Variants in NFIA observed in about 807,000 individuals in gnomAD.
The protein encoded by NFIA is nuclear factor I A.
Under a neutral mutation model 62.8 loss-of-function variants are expected in NFIA, and 8 were observed. That is an observed-to-expected ratio of 0.13 (90% CI 0.07 to 0.23). NFIA has a LOEUF of 0.23. Among genes scored for constraint, NFIA ranks in the 10% least tolerant of loss-of-function variants. The probability of loss-of-function intolerance (pLI) is 1.00; values close to 1 mark genes in which losing one functional copy is unlikely to be tolerated. For synonymous variants in NFIA, 235 were observed against 238.1 expected, an observed-to-expected ratio of 0.99 and a Z score of 0.12; for missense variants, 410 against 642.1, an observed-to-expected ratio of 0.64 and a Z score of 3.91.
intron 2 of NFIA, among the ~76,000 whole-genome samples, chr1:61,163,148 A>G (rs1485838009): frequency 6.6e-6 from 1 of 152,214 alleles, no homozygotes; most frequent in African/African-American, 2.4e-5. Flanking sequence ...ACTTATACTA[A>G]TGGGCATTAA....
intron 1 of NFIA, 34 bp downstream of exon 1, chr1:61,082,852 G>A (rs1646137912): frequency 5.2e-6 from 8 of 1,545,412 alleles, no homozygotes; most frequent in Non-Finnish European, 7.0e-6. Flanking sequence ...GGGCTTGGGG[G>A]CCGGGGCGCC....
At chr1:61,322,552 G>A (rs956957505) in intron 3 of NFIA, among the ~76,000 whole-genome samples, 4 of 152,052 alleles carry the variant, frequency 2.6e-5, no homozygotes, top group African/African-American at 9.7e-5. Context: ...TTCCTTTCAG[G>A]TACGTGGGGG....
chr1:61,385,676 A>G (rs1664643580), intron 7 of NFIA, among the ~76,000 whole-genome samples: 2 of 152,176 alleles, frequency 1.3e-5, no homozygotes, highest in African/African-American at 4.8e-5. Flanking sequence ...ACAGGTTGAG[A>G]GCTTGTTCAT....
intron 2 of NFIA, among the ~76,000 whole-genome samples, chr1:61,230,866 C>A (rs2100631311): frequency 6.6e-6 from 1 of 152,312 alleles, no homozygotes; most frequent in South Asian, 2.1e-4. Flanking sequence ...GGTTTCTCTA[C>A]AGGACACTCT....
intron 2 of NFIA, among the ~76,000 whole-genome samples, chr1:61,231,505 T>C (rs1273764749): frequency 6.6e-6 from 1 of 152,114 alleles, no homozygotes; most frequent in Non-Finnish European, 1.5e-5. Flanking sequence ...ACACAATTAT[T>C]ATATATATGT....
intron 2 of NFIA, among the ~76,000 whole-genome samples, chr1:61,220,600 G>C (rs1271041451): frequency 6.6e-6 from 1 of 152,120 alleles, no homozygotes; most frequent in Admixed American, 6.5e-5. Context: ...TTATAATAGT[G>C]CCAATTATAA....
At chr1:61,394,453 G>T (rs561905370) in intron 7 of NFIA, among the ~76,000 whole-genome samples, 42 of 152,188 alleles carry the variant, frequency 2.8e-4, no homozygotes, top group African/African-American at 7.5e-4. Context: ...GATTACAGGC[G>T]TGAGCCACCA....
chr1:61,255,923 G>T (rs139329881), intron 2 of NFIA, among the ~76,000 whole-genome samples: 2 of 152,084 alleles, frequency 1.3e-5, no homozygotes, highest in Non-Finnish European at 2.9e-5. Context: ...TAATGTGGCC[G>T]CTGCTAGGCT....
intron 3 of NFIA, among the ~76,000 whole-genome samples, chr1:61,278,694 G>A (rs539770786): frequency 2.0e-5 from 3 of 152,316 alleles, no homozygotes; most frequent in South Asian, 2.1e-4. Flanking sequence ...GGGAGGCTTA[G>A]GCAGGAGAAT....
At chr1:61,413,387 A>G (rs1666194641) in intron 9 of NFIA, among the ~76,000 whole-genome samples, 1 of 152,112 alleles carries the variant, frequency 6.6e-6, no homozygotes. Context: ...CATCTTCTCA[A>G]CACTCCTATG....
chr1:61,271,431 G>T (rs373788154), intron 2 of NFIA, among the ~76,000 whole-genome samples: 148 of 152,298 alleles, frequency 9.7e-4, no homozygotes, highest in African/African-American at 3.5e-3. Context: ...CAAACTTGTG[G>T]CCAGAAAGGC....
intron 7 of NFIA, among the ~76,000 whole-genome samples, chr1:61,387,422 C>T (rs554326696): frequency 5.3e-5 from 8 of 151,354 alleles, no homozygotes; most frequent in African/African-American, 1.2e-4. Context: ...CTATTGCCTT[C>T]GCCCAGCAAC....
chr1:61,422,024 G>A (rs1322073973), intron 9 of NFIA, among the ~76,000 whole-genome samples: 1 of 152,168 alleles, frequency 6.6e-6, no homozygotes, highest in African/African-American at 2.4e-5. Context: ...CACTTTGGGA[G>A]GCCAAAGTGG....
intron 3 of NFIA, among the ~76,000 whole-genome samples, chr1:61,286,262 C>T (rs969548339): frequency 6.9e-6 from 1 of 145,258 alleles, no homozygotes; most frequent in Non-Finnish European, 1.5e-5. Flanking sequence ...CCTGTCTCTA[C>T]TTAAAAAAAA....
At chr1:61,237,040 T>C (rs1257803725) in intron 2 of NFIA, among the ~76,000 whole-genome samples, 1 of 152,166 alleles carries the variant, frequency 6.6e-6, no homozygotes, top group Non-Finnish European at 1.5e-5. Context: ...GGGTGGGGAC[T>C]TTTTGTCTCT....
chr1:61,359,272 C>T lies in NFIA; in HGVS notation c.944C>T (p.Pro315Leu). 6.2e-7 allele frequency: 1 copy of T among 1,612,228 alleles called. No individual in the cohort carries two copies. Among genetic ancestry groups the T allele is most frequent in the Non-Finnish European group, 8.5e-7 (1 of 1,179,938 alleles). ...TCAAGTGGATGGCATGAAGTGGAGCCAGGTAAGCAGAGTGGCGGCACGGGC... is the reference window on the plus strand; with the variant it reads ...TCAAGTGGATGGCATGAAGTGGAGCTAGGTAAGCAGAGTGGCGGCACGGGC... ...SQSSGWHEVEPGMPSPTTLKK... is the reference protein window; with the variant it reads ...SQSSGWHEVELGMPSPTTLKK... The change falls in exon 6 of 11, where the codon CCA (proline) becomes CTA (leucine). Residue 315 changes from proline to leucine, a missense_variant and splice_region_variant. Physicochemically the swap from Pro to Leu is moderately conservative, Grantham distance 98 (BLOSUM62 -3). This residue lies in a region of NFIA where 298 missense variants were observed against 438.1 expected (regional missense o/e 0.68). Coordinates refer to ENST00000403491, the MANE Select transcript of NFIA (RefSeq NM_001134673.4).
chr1:61,217,540 T>A (rs1044113341), intron 2 of NFIA, among the ~76,000 whole-genome samples: 1 of 152,072 alleles, frequency 6.6e-6, no homozygotes, highest in Non-Finnish European at 1.5e-5. Flanking sequence ...GAAACATGAG[T>A]TTTGCTTAAT....
At chr1:61,215,782 CAG>C in intron 2 of NFIA, among the ~76,000 whole-genome samples, 1 of 152,298 alleles carries the variant, frequency 6.6e-6, no homozygotes, top group African/African-American at 2.4e-5. Context: ...ACATGATGAA[CAG>C]AAGTATTTCA....
At chr1:61,236,351 A>G (rs2100639431) in intron 2 of NFIA, among the ~76,000 whole-genome samples, 1 of 152,308 alleles carries the variant, frequency 6.6e-6, no homozygotes, top group Admixed American at 6.5e-5. Context: ...AACATATGGC[A>G]CAAGCTATCT....
Sources: allele counts gnomAD v4.1 joint callset (sites outside exome capture counted in the v4.1 genomes callset), GRCh38; gene constraint gnomAD v4.1.1; regional missense constraint gnomAD v4.1.1; transcripts MANE v1.5; gene names NCBI Gene and HGNC (gene_info 2026-07-23, HGNC 2026-07-21).